The following ANK2 variants were observed in gnomAD, a reference collection of about 807,000 sequenced individuals.
The protein encoded by ANK2 is ankyrin 2.
ANK2 carries 83 observed loss-of-function variants against 360.5 expected under a neutral mutation model. The observed-to-expected ratio is 0.23, with a 90% CI of 0.19 to 0.28. The LOEUF (loss-of-function observed/expected upper bound fraction) is 0.28, where lower values mean the gene tolerates loss of function less well. Ranked by LOEUF, ANK2 falls within the 10% of genes least tolerant of loss-of-function variation. The probability of loss-of-function intolerance (pLI) is 1.00; values close to 1 mark genes in which losing one functional copy is unlikely to be tolerated. For missense variants in ANK2, 4,201 were observed against 4,795.7 expected (o/e 0.88, Z 3.66); for synonymous variants, 1,740 against 1,759.5 (o/e 0.99, Z 0.28).
intron 4 of ANK2, among the ~76,000 whole-genome samples, chr4:113,199,434 CTATAA>C (rs1300353839): frequency 3.3e-5 from 5 of 152,060 alleles, no homozygotes; most frequent in Non-Finnish European, 5.9e-5. Flanking sequence ...TCGTGTTACT[CTATAA>C]AAGTATTCTC....
the ANK2 span, among the ~76,000 whole-genome samples, chr4:112,806,846 G>A: frequency 6.6e-6 from 1 of 151,996 alleles, no homozygotes; most frequent in Non-Finnish European, 1.5e-5. Context: ...AGAAAAAAAT[G>A]AAAAAATATA....
chr4:112,810,222 G>A, the ANK2 span, among the ~76,000 whole-genome samples: 42 of 134,382 alleles, frequency 3.1e-4, 1 homozygote, highest in East Asian at 7.7e-3. Flanking sequence ...GGCTGATCTC[G>A]AACTCCTGAC....
chr4:112,732,224 T>A, the ANK2 span, among the ~76,000 whole-genome samples: 12 of 151,766 alleles, frequency 7.9e-5, no homozygotes, highest in South Asian at 2.1e-4. Flanking sequence ...ATTTTACAGA[T>A]GTGGGAATTG....
intron 1 of ANK2, among the ~76,000 whole-genome samples, chr4:112,836,700 C>T (rs1283650585): frequency 6.6e-6 from 1 of 152,132 alleles, no homozygotes; most frequent in Non-Finnish European, 1.5e-5. Flanking sequence ...GGCATTTTGC[C>T]CCTGCACTGA....
At chr4:113,062,826 C>T (rs1269025085) in intron 1 of ANK2, among the ~76,000 whole-genome samples, 2 of 152,024 alleles carry the variant, frequency 1.3e-5, no homozygotes, top group Admixed American at 6.6e-5. Flanking sequence ...GACTATTTGT[C>T]CAATAGGCTA....
intron 1 of ANK2, among the ~76,000 whole-genome samples, chr4:112,894,980 G>A (rs573532850): frequency 5.9e-5 from 9 of 152,330 alleles, no homozygotes; most frequent in Admixed American, 2.6e-4. Flanking sequence ...ATGCCTGACA[G>A]GGTTAATGAA....
chr4:113,026,682 T>A (rs2059352708), intron 2 of ANK2, among the ~76,000 whole-genome samples: 1 of 152,130 alleles, frequency 6.6e-6, no homozygotes, highest in African/African-American at 2.4e-5. Context: ...TTTAGTAGCA[T>A]GCAAAGAAAA....
chr4:113,337,369 G>A (rs1181560199), intron 31 of ANK2, among the ~76,000 whole-genome samples: 1 of 152,104 alleles, frequency 6.6e-6, no homozygotes, highest in Non-Finnish European at 1.5e-5. Context: ...GTCGCTTTCA[G>A]ACAGCTACCA....
chr4:113,336,201 A>G (rs2093505436), intron 30 of ANK2, 144 bp downstream of exon 30: 1 of 874,560 alleles, frequency 1.1e-6, no homozygotes, highest in Non-Finnish European at 1.7e-6. Flanking sequence ...GTCAAAATCC[A>G]TATTTATTGG....
intron 9 of ANK2, among the ~76,000 whole-genome samples, chr4:113,244,167 G>T (rs1238754060): frequency 3.3e-5 from 5 of 152,004 alleles, no homozygotes; most frequent in Non-Finnish European, 7.4e-5. Context: ...TTTCATTCAA[G>T]GATTTAAAAA....
chr4:112,878,668 C>T (rs2075858436), intron 1 of ANK2, among the ~76,000 whole-genome samples: 1 of 151,858 alleles, frequency 6.6e-6, no homozygotes. Context: ...GAGTCTCGCT[C>T]TGTCGCCTAG....
chr4:113,140,019 C>G (rs879739016), intron 1 of ANK2, among the ~76,000 whole-genome samples: 13 of 151,198 alleles, frequency 8.6e-5, no homozygotes, highest in South Asian at 2.1e-4. Context: ...TAGTGTAGAT[C>G]CATAAGTTAT....
At chr4:113,019,403 T>C (rs1013528146) in intron 2 of ANK2, among the ~76,000 whole-genome samples, 2 of 152,178 alleles carry the variant, frequency 1.3e-5, no homozygotes, top group African/African-American at 4.8e-5. Context: ...TGTTATTTGC[T>C]TTTGGATAGC....
intron 2 of ANK2, among the ~76,000 whole-genome samples, chr4:112,998,272 C>T (rs1219109020): frequency 6.6e-6 from 1 of 151,952 alleles, no homozygotes; most frequent in Non-Finnish European, 1.5e-5. Flanking sequence ...TTTGTAGGTG[C>T]AATTTTCCCC....
At chr4:112,730,337 G>A in the ANK2 span, among the ~76,000 whole-genome samples, 1 of 149,418 alleles carries the variant, frequency 6.7e-6, no homozygotes, top group African/African-American at 2.5e-5. Flanking sequence ...ACAATATATT[G>A]TACATTTGAA....
chr4:112,931,373 A>G (rs1561151750), intron 2 of ANK2, among the ~76,000 whole-genome samples: 1 of 152,112 alleles, frequency 6.6e-6, no homozygotes, highest in Non-Finnish European at 1.5e-5. Context: ...GCTGTAAGCT[A>G]AAGAAAAGCT....
At chr4:113,324,894 G>T (rs2088894201) in intron 26 of ANK2, among the ~76,000 whole-genome samples, 2 of 152,180 alleles carry the variant, frequency 1.3e-5, no homozygotes, top group South Asian at 4.2e-4. Context: ...AAAACTAAAG[G>T]AATAGTAACT....
intron 2 of ANK2, among the ~76,000 whole-genome samples, chr4:112,934,530 G>GTCAACATTTA (rs1158550836): frequency 4.6e-5 from 7 of 152,086 alleles, no homozygotes; most frequent in African/African-American, 7.2e-5. Context: ...TCAATTCAGT[G>GTCAACATTTA]GTATTTATTA....
At chr4:113,245,261 G>A (rs1322997250) in intron 9 of ANK2, among the ~76,000 whole-genome samples, 2 of 152,104 alleles carry the variant, frequency 1.3e-5, no homozygotes, top group Middle Eastern at 3.2e-3. Context: ...GAATTGGGAG[G>A]CCAATTCTGG....
Sources: allele counts gnomAD v4.1 joint callset (sites outside exome capture counted in the v4.1 genomes callset), GRCh38; gene constraint gnomAD v4.1.1; transcripts MANE v1.5; gene names NCBI Gene and HGNC (gene_info 2026-07-23, HGNC 2026-07-21).